Variants in REEP1 observed in about 807,000 individuals in gnomAD.
REEP1 encodes the protein receptor expression-enhancing protein 1.
In REEP1, 22 loss-of-function variants were observed where a neutral mutation model predicts 40.3. The ratio of observed to expected loss-of-function variants is 0.55; its 90% confidence interval spans 0.39 to 0.78. The LOEUF is 0.78. REEP1 is among the 30% of genes least tolerant of loss of function. The pLI, the probability that REEP1 is intolerant of heterozygous loss-of-function variation, is 0.00. For synonymous variants in REEP1, 116 were observed against 139.2 expected (o/e 0.83, Z 1.17); for missense variants, 280 against 361.1 (o/e 0.78, Z 1.82).
chr2:86,331,544 A>T (rs1342101609), intron 1 of REEP1, among the ~76,000 whole-genome samples: 2 of 150,546 alleles, frequency 1.3e-5, no homozygotes, highest in African/African-American at 4.9e-5. Flanking sequence ...GGGGGCGGGG[A>T]ATGTAGTATA....
At chr2:86,230,664 C>T (rs1032417912) in intron 6 of REEP1, among the ~76,000 whole-genome samples, 1 of 152,260 alleles carries the variant, frequency 6.6e-6, no homozygotes, top group Non-Finnish European at 1.5e-5. Flanking sequence ...ATAACAGCTA[C>T]TATGCACTGG....
chr2:86,289,936 G>A (rs1001683555), intron 1 of REEP1, among the ~76,000 whole-genome samples: 7 of 152,136 alleles, frequency 4.6e-5, no homozygotes, highest in African/African-American at 1.7e-4. Flanking sequence ...GCATTATGGT[G>A]AGTGAAAGCA....
intron 5 of REEP1, among the ~76,000 whole-genome samples, chr2:86,238,827 T>C (rs1675503668): frequency 6.6e-6 from 1 of 152,166 alleles, no homozygotes; most frequent in Non-Finnish European, 1.5e-5. Flanking sequence ...TGTGTGTTAG[T>C]ATTTGTCACC....
intron 2 of REEP1, among the ~76,000 whole-genome samples, chr2:86,273,661 G>A (rs1224938505): frequency 1.3e-5 from 2 of 152,066 alleles, no homozygotes; most frequent in East Asian, 3.9e-4. Flanking sequence ...AACCATATGA[G>A]TCTTTCAGTT....
chr2:86,308,315 A>T (rs570218082), intron 1 of REEP1, among the ~76,000 whole-genome samples: 1 of 152,374 alleles, frequency 6.6e-6, no homozygotes, highest in East Asian at 1.9e-4. Flanking sequence ...ATATGACAGA[A>T]CACAGACCAT....
chr2:86,306,903 C>A (rs1364395877), intron 1 of REEP1, among the ~76,000 whole-genome samples: 1 of 151,834 alleles, frequency 6.6e-6, no homozygotes. Flanking sequence ...AAAAAAAAAC[C>A]CTTTTGAAAA....
chr2:86,291,061 G>A (rs1204817792), intron 1 of REEP1, among the ~76,000 whole-genome samples: 1 of 152,146 alleles, frequency 6.6e-6, no homozygotes, highest in African/African-American at 2.4e-5. Flanking sequence ...ATAATAATGA[G>A]AAAACAGGTT....
chr2:86,259,374 A>G (rs1676735955), intron 3 of REEP1, among the ~76,000 whole-genome samples: 1 of 151,290 alleles, frequency 6.6e-6, no homozygotes, highest in African/African-American at 2.4e-5. Context: ...TGTATGTATT[A>G]TTTTATTTTT....
In REEP1 at chr2:86,245,920, A is replaced by G. The variant is rs539534655; in HGVS notation, c.417+6037T>C. On this transcript the variant is annotated intron_variant, in intron 5 of 8. Transcript: ENST00000538924. ...GCTGGGACTACAGGCGCCCGCCACC[A>G]CGCCCGGCTAATTTTTTGTATTTTT... Among the ~76,000 whole-genome samples, 14 of 151,736 alleles carry G rather than the reference A, an allele frequency of 9.2e-5. No individual in the cohort carries two copies. In the East Asian group the frequency reaches 9.7e-4, roughly 11 times the overall value.
chr2:86,225,332 CATG>C (rs1674624092), intron 7 of REEP1, among the ~76,000 whole-genome samples: 1 of 152,210 alleles, frequency 6.6e-6, no homozygotes, highest in Non-Finnish European at 1.5e-5. Flanking sequence ...AGTGCAATGG[CATG>C]ATATCGGCTC....
intron 5 of REEP1, among the ~76,000 whole-genome samples, chr2:86,242,297 C>T (rs1675709172): frequency 6.6e-6 from 1 of 152,196 alleles, no homozygotes; most frequent in South Asian, 2.1e-4. Flanking sequence ...CAAAGCCCAA[C>T]TTTGGATATC....
intron 1 of REEP1, among the ~76,000 whole-genome samples, chr2:86,291,414 C>T (rs577091905): frequency 5.4e-4 from 82 of 152,218 alleles, no homozygotes; most frequent in African/African-American, 1.2e-3. Flanking sequence ...AAAACAGAAA[C>T]GAGACATGTT....
chr2:86,231,614 G>C (rs1675020525), intron 6 of REEP1, among the ~76,000 whole-genome samples: 1 of 152,170 alleles, frequency 6.6e-6, no homozygotes, highest in Non-Finnish European at 1.5e-5. Context: ...AGATTTAAGG[G>C]CCACGCAGTC....
chr2:86,251,960 G>A lies in REEP1; in HGVS notation c.414C>T (p.Ser138=). 6.2e-7 allele frequency: 1 copy of A among 1,610,106 alleles called. No individual in the cohort carries two copies. Residue 138 remains serine, a synonymous_variant, in exon 5 of 9, where the codon TCC becomes TCT. Transcript: ENST00000538924. ...TGTGGTACTTCCAGCACAGTACCTT[G>A]GAAGCAGCCATCACAGCCGCTGTGG... ...VAATAAVMAA[S]KGQGALSERL... is the part of the protein sequence containing the mutation.
intron 1 of REEP1, among the ~76,000 whole-genome samples, chr2:86,286,158 T>C (rs1386001887): frequency 6.6e-6 from 1 of 152,162 alleles, no homozygotes; most frequent in Non-Finnish European, 1.5e-5. Flanking sequence ...GGGGTCTTCA[T>C]TCAGGTTGCC....
chr2:86,251,814 TCCATCAGA>T, intron 5 of REEP1, 135 bp downstream of exon 5: 6 of 747,156 alleles, frequency 8.0e-6, no homozygotes, highest in African/African-American at 3.5e-5. Flanking sequence ...AGCATTTTTT[TCCATCAGA>T]TTTTCAAAAG....
At position 86,229,708 on chromosome 2, in the gene REEP1, C is replaced by T. The variant is rs113025527; in HGVS notation, c.596-2310G>A. Reference sequence around the variant, plus strand: ...CACTGCAACCTCCGCCTCCCCGATTCAAGCGATTCTCCTGCCTCAGCTACT... The same window carrying T: ...CACTGCAACCTCCGCCTCCCCGATTTAAGCGATTCTCCTGCCTCAGCTACT... On this transcript the variant is annotated intron_variant, in intron 6 of 8. Coordinates refer to ENST00000538924, the MANE Select transcript of REEP1 (RefSeq NM_001371279.1). 2.3e-3 allele frequency among the ~76,000 whole-genome samples: 337 copies of T among 148,218 alleles called. 1 individual carries two copies. Among genetic ancestry groups the T allele is most frequent in the South Asian group, 4.2e-3 (19 of 4,544 alleles).
intron 1 of REEP1, chr2:86,297,599 A>G: frequency 1.6e-6 from 1 of 614,010 alleles, no homozygotes. Context: ...CCTAGCTGGG[A>G]GACCAAGAAC....
intron 1 of REEP1, among the ~76,000 whole-genome samples, chr2:86,287,533 A>C (rs1678461087): frequency 6.6e-6 from 1 of 152,250 alleles, no homozygotes; most frequent in Admixed American, 6.5e-5. Context: ...TTCTTAATAA[A>C]AATATAATTT....
Sources: allele counts gnomAD v4.1 joint callset (sites outside exome capture counted in the v4.1 genomes callset), GRCh38; gene constraint gnomAD v4.1.1; transcripts MANE v1.5; gene names NCBI Gene and HGNC (gene_info 2026-07-23, HGNC 2026-07-21).